Variants in FXR1 observed in about 807,000 individuals in gnomAD.
FXR1 encodes the protein FMR1 autosomal homolog 1, also known as RNA-binding protein FXR1.
A neutral mutation model predicts 84.0 loss-of-function variants in FXR1; 15 were observed. The observed-to-expected ratio is 0.18, with a 90% CI of 0.12 to 0.27. The LOEUF (loss-of-function observed/expected upper bound fraction) is 0.27. Among genes scored for constraint, FXR1 ranks in the 10% least tolerant of loss-of-function variants. FXR1 has a pLI of 1.00. For synonymous variants in FXR1, 245 were observed against 250.7 expected (o/e 0.98, Z 0.21); for missense variants, 480 against 774.4 (o/e 0.62, Z 4.51).
intron 1 of FXR1, among the ~76,000 whole-genome samples, chr3:180,926,572 ACT>A (rs896293078): frequency 2.7e-5 from 4 of 148,806 alleles, no homozygotes; most frequent in African/African-American, 9.8e-5. Flanking sequence ...CAATCAGAAA[ACT>A]CTTCTAAGAA....
In FXR1 at chr3:180,943,276, T is replaced by TC. The variant is rs528625096; in HGVS notation, c.199-4589_199-4588insC. 1.1e-4 allele frequency among the ~76,000 whole-genome samples: 16 copies of TC among 140,746 alleles called. No individual in the cohort carries two copies. In the South Asian group the frequency reaches 3.6e-3, roughly 32 times the overall value. 92.3% of individuals were successfully genotyped at this position (140,746 alleles called of 152,430 possible). On this transcript the variant is annotated intron_variant, in intron 3 of 16. Coordinates refer to ENST00000357559, the MANE Select transcript of FXR1 (RefSeq NM_005087.4). ...GCCACTGTGCCCGGCTTTTTTTTTT[T>TC]TTTTTTTTTTTTTTTTAAGAAGGAG...
chr3:180,918,027 C>T (rs1279021489), intron 1 of FXR1, among the ~76,000 whole-genome samples: 3 of 147,548 alleles, frequency 2.0e-5, no homozygotes, highest in Non-Finnish European at 4.5e-5. Flanking sequence ...AGAAGAGCAA[C>T]ACATAATTAC....
intron 15 of FXR1, among the ~76,000 whole-genome samples, chr3:180,974,611 T>G (rs180911153): frequency 1.3e-5 from 2 of 152,288 alleles, no homozygotes; most frequent in Admixed American, 1.3e-4. Context: ...AATACACATT[T>G]CAGATCGTCC....
chr3:180,941,660 C>T (rs575506229), intron 3 of FXR1, among the ~76,000 whole-genome samples: 60 of 152,210 alleles, frequency 3.9e-4, no homozygotes, highest in Non-Finnish European at 8.2e-4. Flanking sequence ...GGGAAACGCT[C>T]GCACATAAAG....
intron 1 of FXR1, among the ~76,000 whole-genome samples, chr3:180,922,664 G>A (rs1414060953): frequency 6.6e-6 from 1 of 152,194 alleles, no homozygotes; most frequent in Non-Finnish European, 1.5e-5. Flanking sequence ...CCAGGTTGCA[G>A]TGCAGTGATA....
chr3:180,970,399 TA>T, intron 15 of FXR1, 41 bp downstream of exon 15: 2 of 281,232 alleles, frequency 7.1e-6, no homozygotes, highest in South Asian at 1.9e-4. Flanking sequence ...TATATATATA[TA>T]TATATATATA....
chr3:180,940,764 C>T (rs138469585), intron 3 of FXR1, among the ~76,000 whole-genome samples: 1,580 of 152,044 alleles, frequency 0.01, 37 homozygotes, highest in African/African-American at 0.036. Flanking sequence ...TTGGTAGAGA[C>T]GGGTTTTCTC....
chr3:180,945,049 A>T (rs909453621), intron 3 of FXR1, among the ~76,000 whole-genome samples: 1 of 152,264 alleles, frequency 6.6e-6, no homozygotes, highest in Admixed American at 6.5e-5. Flanking sequence ...GCTCACTGTT[A>T]TACATGAACC....
At chr3:180,952,579 A>C (rs909581473) in intron 8 of FXR1, among the ~76,000 whole-genome samples, 4 of 151,988 alleles carry the variant, frequency 2.6e-5, no homozygotes, top group Non-Finnish European at 5.9e-5. Flanking sequence ...AGGAGGGAAA[A>C]AAAAAAAAGA....
chr3:180,972,410 C>T (rs1713692144), intron 15 of FXR1, among the ~76,000 whole-genome samples: 1 of 152,124 alleles, frequency 6.6e-6, no homozygotes, highest in Non-Finnish European at 1.5e-5. Context: ...GAAGGGTGAT[C>T]GTGCCACTGC....
intron 9 of FXR1, among the ~76,000 whole-genome samples, chr3:180,954,884 T>G (rs1722589397): frequency 6.6e-6 from 1 of 151,410 alleles, no homozygotes; most frequent in African/African-American, 2.4e-5. Flanking sequence ...TTTTTTTTTT[T>G]TTTTTTTTTT....
At chr3:180,940,566 TTTTG>T (rs1721005817) in intron 3 of FXR1, among the ~76,000 whole-genome samples, 1 of 148,972 alleles carries the variant, frequency 6.7e-6, no homozygotes, top group Admixed American at 6.7e-5. Context: ...CGTGTTTAGT[TTTTG>T]TTTTTTTCTG....
chr3:180,944,073 C>T (rs1234555491), intron 3 of FXR1, among the ~76,000 whole-genome samples: 3 of 151,578 alleles, frequency 2.0e-5, no homozygotes, highest in African/African-American at 2.4e-5. Context: ...TGCACCACCA[C>T]GCCTGGCTAA....
chr3:180,966,111 A>G (rs1026524773), intron 13 of FXR1, among the ~76,000 whole-genome samples: 1 of 152,122 alleles, frequency 6.6e-6, no homozygotes, highest in Non-Finnish European at 1.5e-5. Flanking sequence ...TATTCAAGGA[A>G]AGATAAATTG....
chr3:180,957,237 C>G (rs944662847), intron 9 of FXR1, among the ~76,000 whole-genome samples: 1 of 152,072 alleles, frequency 6.6e-6, no homozygotes, highest in African/African-American at 2.4e-5. Flanking sequence ...TATTTTATAC[C>G]TAGCAAGACA....
chr3:180,948,574 C>A, intron 5 of FXR1, 79 bp downstream of exon 5: 2 of 1,085,826 alleles, frequency 1.8e-6, no homozygotes, highest in East Asian at 4.7e-5. Flanking sequence ...TTCCCTAATG[C>A]CCAATCAAAC....
At chr3:180,914,849 A>G (rs1372225044) in intron 1 of FXR1, 1 of 984,578 alleles carries the variant, frequency 1.0e-6, no homozygotes, top group African/African-American at 1.7e-5. Context: ...GAAATCATGT[A>G]CGCTTGAACA....
chr3:180,957,482 A>G (rs1415481874), intron 9 of FXR1: 1 of 173,874 alleles, frequency 5.8e-6, no homozygotes, highest in Non-Finnish European at 1.2e-5. Flanking sequence ...CTTTGCCTTT[A>G]TGTATACATC....
chr3:180,932,081 A>AAAAAAAAAAC (rs1246143548), intron 1 of FXR1, among the ~76,000 whole-genome samples: 4 of 150,352 alleles, frequency 2.7e-5, no homozygotes, highest in African/African-American at 9.7e-5. Flanking sequence ...GTTTCAAAAA[A>AAAAAAAAAAC]AAAAAAAAAC....
Sources: gnomAD v4.1 joint callset for allele counts (sites outside exome capture counted in the v4.1 genomes callset) on GRCh38, gnomAD v4.1.1 for gene constraint, MANE v1.5 for transcripts, NCBI Gene and HGNC (gene_info 2026-07-23, HGNC 2026-07-21) for gene names.